RTN4: variants seen among roughly 807,000 people sequenced by gnomAD.
The protein encoded by RTN4 is reticulon 4, also known as reticulon-4.
In RTN4, 32 loss-of-function variants were observed where a neutral mutation model predicts 90.4. That is an observed-to-expected ratio of 0.35 (90% confidence interval 0.27 to 0.48). The LOEUF (loss-of-function observed/expected upper bound fraction) is 0.48. RTN4 is among the 20% of genes least tolerant of loss of function. RTN4 has a pLI of 0.99. For synonymous variants in RTN4, 629 were observed against 552.5 expected, an observed-to-expected ratio of 1.14 and a Z score of -1.94; for missense variants, 1,706 against 1,430.2, an observed-to-expected ratio of 1.19 and a Z score of -3.11.
At chr2:55,089,188 G>T (rs74259991) in intron 1 of RTN4, among the ~76,000 whole-genome samples, 1 of 152,078 alleles carries the variant, frequency 6.6e-6, no homozygotes, top group African/African-American at 2.4e-5. Context: ...ATGAGCCACC[G>T]CGCCGGGCCA....
intron 5 of RTN4, among the ~76,000 whole-genome samples, chr2:54,977,667 G>A (rs1330082271): frequency 6.6e-6 from 1 of 152,064 alleles, no homozygotes; most frequent in Admixed American, 6.6e-5. Context: ...ATAATTGCGG[G>A]TGGGAAGCGA....
chr2:55,080,588 C>T (rs12616904), exon 2 of RTN4: 2 of 151,992 alleles, frequency 1.3e-5, no homozygotes, highest in East Asian at 3.9e-4. Flanking sequence ...GTATCTTATT[C>T]CTCAGTGTTA....
At chr2:55,064,103 T>C (rs999410669) in intron 2 of RTN4, among the ~76,000 whole-genome samples, 2 of 150,920 alleles carry the variant, frequency 1.3e-5, no homozygotes, top group African/African-American at 4.9e-5. Flanking sequence ...GTACCTGTAG[T>C]CCCAGTGCCT....
chr2:55,123,888 C>A, the RTN4 span, among the ~76,000 whole-genome samples: 1 of 152,070 alleles, frequency 6.6e-6, no homozygotes, highest in Non-Finnish European at 1.5e-5. Context: ...CAGCCCTAAC[C>A]AGGACTATTC....
intron 2 of RTN4, 121 bp downstream of exon 2, chr2:55,028,043 C>G: frequency 2.4e-6 from 2 of 829,022 alleles, no homozygotes; most frequent in South Asian, 5.1e-5. Context: ...TTCCAGTAGA[C>G]AAAACATTCT....
At chr2:55,035,081 G>T (rs1336165609) in intron 1 of RTN4, among the ~76,000 whole-genome samples, 1 of 152,064 alleles carries the variant, frequency 6.6e-6, no homozygotes, top group East Asian at 1.9e-4. Flanking sequence ...GAAAATCAAA[G>T]AACCCAAAAA....
intron 1 of RTN4, among the ~76,000 whole-genome samples, chr2:55,040,897 C>T (rs1191249861): frequency 2.0e-5 from 3 of 151,620 alleles, no homozygotes; most frequent in African/African-American, 7.3e-5. Flanking sequence ...ACTTTATAAA[C>T]TTTCTGTATC....
chr2:55,042,113 A>G (rs1683114533), intron 1 of RTN4, among the ~76,000 whole-genome samples: 1 of 152,154 alleles, frequency 6.6e-6, no homozygotes, highest in African/African-American at 2.4e-5. Flanking sequence ...ACAATTTGCT[A>G]AACAATGTAT....
chr2:55,025,885 G>T lies in RTN4; in HGVS notation c.2214C>A (p.Ser738=), dbSNP rs201002601. 3 of 1,613,622 alleles carry T rather than the reference G, an allele frequency of 1.9e-6. No homozygotes were observed. The African/African-American group carries it at 4.0e-5, about 22-fold the overall frequency. Reference sequence around the variant, plus strand: ...AGTCAACTGGTTCAGAATCAGGTGAGGAATCTTCAACTAGCTCAGAATGAT... The same window carrying T: ...AGTCAACTGGTTCAGAATCAGGTGATGAATCTTCAACTAGCTCAGAATGAT... ...VPDHSELVED[S]SPDSEPVDLF... Residue 738 remains serine (S), a synonymous_variant, in exon 3 of 9, where the codon TCC becomes TCA. Transcript: ENST00000337526.
the RTN4 span, among the ~76,000 whole-genome samples, chr2:55,119,468 G>A: frequency 6.6e-6 from 1 of 152,200 alleles, no homozygotes; most frequent in Non-Finnish European, 1.5e-5. Context: ...TCGTGTGATA[G>A]CTGGCTGGCT....
chr2:54,999,934 G>A (rs1222174299), intron 3 of RTN4, among the ~76,000 whole-genome samples: 1 of 152,110 alleles, frequency 6.6e-6, no homozygotes, highest in Non-Finnish European at 1.5e-5. Context: ...TTTCTTTTGA[G>A]TCCTATTTCT....
chr2:55,081,271 C>T (rs755408735), intron 1 of RTN4, among the ~76,000 whole-genome samples: 3 of 151,966 alleles, frequency 2.0e-5, no homozygotes, highest in Non-Finnish European at 4.4e-5. Context: ...GAGACAGGGT[C>T]TCACTATGTT....
chr2:54,975,021 A>T (rs546170045), intron 5 of RTN4, among the ~76,000 whole-genome samples: 1 of 152,360 alleles, frequency 6.6e-6, no homozygotes, highest in South Asian at 2.1e-4. Flanking sequence ...ATCAGACAAT[A>T]TACCAAGGGT....
chr2:55,111,500 A>C lies in RTN4; in HGVS notation c.-214+1020T>G, dbSNP rs145316148. On this transcript the variant is annotated intron_variant, in intron 1 of 3. Transcript: ENST00000427710. ...ATAAATGTTCCTCACTCCTGTTCGCATAAATCCACCTAGCTAGTGTTTGTG... is the reference window on the plus strand; with the variant it reads ...ATAAATGTTCCTCACTCCTGTTCGCCTAAATCCACCTAGCTAGTGTTTGTG... Among the ~76,000 whole-genome samples the C allele has an allele frequency of 6.3e-4, 96 of 152,350 alleles. No homozygotes were observed. In the East Asian group the frequency reaches 0.016, roughly 25 times the overall value.
chr2:55,050,019 C>T lies in RTN4; in HGVS notation c.282G>A (p.Leu94=). 7.2e-7 allele frequency: 1 copy of T among 1,386,068 alleles called. No individual in the cohort carries two copies. Among genetic ancestry groups the T allele is most frequent in the Non-Finnish European group, 9.3e-7 (1 of 1,077,312 alleles). The allele number at this position is 1,386,068 out of a possible 1,614,324, so 85.9% of individuals were successfully genotyped here. A position where few individuals can be genotyped will look rare whatever the true frequency, so the allele number is the denominator to read the frequency against. Residue 94 remains leucine, a synonymous_variant, in exon 1 of 9, where the codon CTG becomes CTA. Coordinates refer to ENST00000337526, the MANE Select transcript of RTN4 (RefSeq NM_020532.5). The surrounding 1 kb of genome is among the most constrained non-coding windows in gnomAD (Gnocchi z 4.6). ...DFVPPAPRGP[L]PAAPPVAPER... ...CCGGGGCGACGGGGGGAGCGGCCGG[C>T]AGGGGTCCCCGGGGCGCCGGCGGCA...
intron 1 of RTN4, among the ~76,000 whole-genome samples, chr2:55,097,179 A>G (rs555364816): frequency 5.3e-5 from 8 of 151,920 alleles, no homozygotes; most frequent in African/African-American, 1.9e-4. Flanking sequence ...AGTATTTGCA[A>G]AAGATGAGTA....
chr2:55,102,266 T>C (rs1325194712), intron 1 of RTN4, among the ~76,000 whole-genome samples: 2 of 152,096 alleles, frequency 1.3e-5, no homozygotes. Flanking sequence ...AAGGCTGAAA[T>C]CCCTTGAAGA....
chr2:55,021,708 T>A (rs1459867444), intron 3 of RTN4, among the ~76,000 whole-genome samples: 1 of 152,172 alleles, frequency 6.6e-6, no homozygotes, highest in East Asian at 1.9e-4. Flanking sequence ...TAATCCACCC[T>A]TCCTTTTATA....
At chr2:55,013,087 A>G (rs2104801106) in intron 3 of RTN4, among the ~76,000 whole-genome samples, 1 of 152,284 alleles carries the variant, frequency 6.6e-6, no homozygotes, top group Middle Eastern at 3.4e-3. Flanking sequence ...TTTTCCCATA[A>G]AAGCAAAGGC....
Sources: allele counts gnomAD v4.1 joint callset (sites outside exome capture counted in the v4.1 genomes callset), GRCh38; gene constraint gnomAD v4.1.1; non-coding constraint Gnocchi (gnomAD v3.1); transcripts MANE v1.5; gene names NCBI Gene and HGNC (gene_info 2026-07-23, HGNC 2026-07-21).